The following EPM2A variants were observed in gnomAD, a reference collection of about 807,000 sequenced individuals.
The protein encoded by EPM2A is laforin.
A neutral mutation model predicts 26.5 loss-of-function variants in EPM2A; 21 were observed. That is an observed-to-expected ratio of 0.79 (90% CI 0.56 to 1.14). EPM2A has a LOEUF of 1.14. EPM2A is among the 50% of genes most tolerant of loss of function. EPM2A has a pLI of 0.00. For missense variants in EPM2A, 458 were observed against 440.8 expected, an observed-to-expected ratio of 1.04 and a Z score of -0.35; for synonymous variants, 217 against 177.6, an observed-to-expected ratio of 1.22 and a Z score of -1.76.
chr6:145,569,538 C>A (rs1780928027), intron 2 of EPM2A, among the ~76,000 whole-genome samples: 1 of 152,188 alleles, frequency 6.6e-6, no homozygotes, highest in Admixed American at 6.5e-5. Flanking sequence ...TCCTCTAGTT[C>A]TTGATCATTC....
chr6:145,705,989 A>T (rs935206070), intron 1 of EPM2A: 32 of 455,830 alleles, frequency 7.0e-5, no homozygotes, highest in South Asian at 2.5e-4. Context: ...ATTTATTTAA[A>T]TATGAAAAGA....
At chr6:145,556,790 A>G (rs951040390) in intron 2 of EPM2A, among the ~76,000 whole-genome samples, 4 of 152,158 alleles carry the variant, frequency 2.6e-5, no homozygotes, top group African/African-American at 9.6e-5. Context: ...ACCATATCAC[A>G]TAACAGCTTA....
chr6:145,409,074 C>T, intron 4 of EPM2A, among the ~76,000 whole-genome samples: 1 of 152,132 alleles, frequency 6.6e-6, no homozygotes, highest in Non-Finnish European at 1.5e-5. Flanking sequence ...GTGTTTATAT[C>T]ACAGTGCCAT....
intron 1 of EPM2A, 47 bp from the exon 2 acceptor site, chr6:145,686,343 G>T (rs1386624635): frequency 1.4e-5 from 21 of 1,475,512 alleles, no homozygotes; most frequent in Non-Finnish European, 1.9e-5. Flanking sequence ...TCAGTGTTTT[G>T]TTTAAATATC....
At chr6:145,390,657 C>T (rs1208625789) in intron 4 of EPM2A, among the ~76,000 whole-genome samples, 2 of 152,078 alleles carry the variant, frequency 1.3e-5, no homozygotes, top group Non-Finnish European at 2.9e-5. Flanking sequence ...CTCTTATTCT[C>T]TGGCTTTTAC....
At position 145,610,575 on chromosome 6, in the gene EPM2A, G is replaced by A. The variant is rs541357861; in HGVS notation, c.340+24670C>T. On this transcript the variant is annotated intron_variant, in intron 2 of 3. Transcript: ENST00000450221. The stretch of plus-strand genomic sequence containing the variant: ...CAAAGTCGTTGTGAGTACTCAGTGA[G>A]TGAAAGTTCTGCACAAAAGCTGGAA... 1.1e-3 allele frequency among the ~76,000 whole-genome samples: 167 copies of A among 152,334 alleles called. 1 individual carries two copies. Among genetic ancestry groups the A allele is most frequent in the Non-Finnish European group, 2.1e-3 (145 of 68,026 alleles).
chr6:145,500,183 TTATATGG>T (rs1249937294), downstream of EPM2A, among the ~76,000 whole-genome samples: 1 of 152,220 alleles, frequency 6.6e-6, no homozygotes, highest in East Asian at 1.9e-4. Flanking sequence ...GAACAATCAT[TTATATGG>T]ATGTTCCAAC....
chr6:145,529,378 T>G (rs1190098354), intron 2 of EPM2A, among the ~76,000 whole-genome samples: 1 of 152,148 alleles, frequency 6.6e-6, no homozygotes, highest in Non-Finnish European at 1.5e-5. Flanking sequence ...TGTCTTATTT[T>G]AAGAAATTTC....
intron 4 of EPM2A, among the ~76,000 whole-genome samples, chr6:145,458,599 T>C (rs183921020): frequency 1.1e-3 from 171 of 152,230 alleles, no homozygotes; most frequent in African/African-American, 3.9e-3. Flanking sequence ...GAGCAGGGGA[T>C]AGATACATTG....
At chr6:145,682,861 T>A (rs1780643729) in intron 2 of EPM2A, among the ~76,000 whole-genome samples, 1 of 151,972 alleles carries the variant, frequency 6.6e-6, no homozygotes, top group Admixed American at 6.6e-5. Flanking sequence ...AACTAAAGAG[T>A]GAGAGTCTGT....
At chr6:145,555,417 T>C (rs993725564) in intron 2 of EPM2A, among the ~76,000 whole-genome samples, 1 of 151,992 alleles carries the variant, frequency 6.6e-6, no homozygotes, top group African/African-American at 2.4e-5. Flanking sequence ...GCCCATAAAT[T>C]AGGTTGAGCC....
At chr6:145,548,976 G>C (rs1262088805) in intron 2 of EPM2A, among the ~76,000 whole-genome samples, 2 of 152,104 alleles carry the variant, frequency 1.3e-5, no homozygotes, top group African/African-American at 4.8e-5. Context: ...GCCGTGTGTA[G>C]CTAGTTGAAT....
intron 3 of EPM2A, 64 bp from the exon 4 acceptor site, chr6:145,627,757 C>A: frequency 7.6e-6 from 12 of 1,585,248 alleles, no homozygotes; most frequent in Non-Finnish European, 1.0e-5. Context: ...CCGCTGAGGT[C>A]TCCTCCAGCA....
At chr6:145,663,306 G>A (rs983303810) in intron 2 of EPM2A, among the ~76,000 whole-genome samples, 3 of 152,308 alleles carry the variant, frequency 2.0e-5, no homozygotes, top group South Asian at 2.1e-4. Context: ...CAGCGTGAGC[G>A]ACGCAGAAGA....
intron 2 of EPM2A, among the ~76,000 whole-genome samples, chr6:145,567,484 A>G (rs1027274036): frequency 5.9e-5 from 9 of 152,314 alleles, no homozygotes; most frequent in African/African-American, 2.2e-4. Flanking sequence ...ACATGCTGCC[A>G]CAGCAGGCTA....
chr6:145,491,293 G>A (rs564245784), intron 4 of EPM2A: 8 of 348,978 alleles, frequency 2.3e-5, no homozygotes, highest in South Asian at 9.5e-5. Flanking sequence ...CATTGGAACC[G>A]GTTGCACTCA....
At chr6:145,524,366 C>T (rs985914502) in intron 2 of EPM2A, among the ~76,000 whole-genome samples, 2 of 152,126 alleles carry the variant, frequency 1.3e-5, no homozygotes, top group Non-Finnish European at 2.9e-5. Flanking sequence ...CCAAACTGCT[C>T]TCCACAATGG....
At chr6:145,442,547 AG>A (rs1779078544) in intron 4 of EPM2A, among the ~76,000 whole-genome samples, 2 of 151,362 alleles carry the variant, frequency 1.3e-5, no homozygotes, top group South Asian at 4.2e-4. Context: ...CCATGAGAAC[AG>A]TATGGGGGAA....
rs375991009 is a variant in EPM2A at position 145,505,069 on chromosome 6, G to C, written c.341-2494C>G. Among the ~76,000 whole-genome samples, 464 of 125,276 alleles carry C rather than the reference G, an allele frequency of 3.7e-3. 16 individuals are homozygous for C. The East Asian group carries it at 0.076, about 21-fold the overall frequency. 82.2% of individuals were successfully genotyped at this position (125,276 alleles called of 152,430 possible). A position where few individuals can be genotyped will look rare whatever the true frequency, so the allele number is the denominator to read the frequency against. ...ATGAGATCACATGGACACAGGAAGGGGAATATCACACTCTGGGGACTGTGG... is the reference window on the plus strand; with the variant it reads ...ATGAGATCACATGGACACAGGAAGGCGAATATCACACTCTGGGGACTGTGG... On this transcript the variant is annotated intron_variant, in intron 2 of 3. Transcript: ENST00000450221.
Sources: gnomAD v4.1 joint callset for allele counts (sites outside exome capture counted in the v4.1 genomes callset) on GRCh38, gnomAD v4.1.1 for gene constraint, MANE v1.5 for transcripts, NCBI Gene and HGNC (gene_info 2026-07-23, HGNC 2026-07-21) for gene names.